Variants in EHBP1 observed in about 807,000 individuals in gnomAD.
The protein encoded by EHBP1 is EH domain-binding protein 1.
EHBP1 carries 55 observed loss-of-function variants against 144.0 expected under a neutral mutation model. That is an observed-to-expected ratio of 0.38 (90% CI 0.31 to 0.48). EHBP1 has a LOEUF of 0.48. Ranked by LOEUF, EHBP1 falls within the 20% of genes least tolerant of loss-of-function variation. EHBP1 has a pLI of 0.98. For synonymous variants in EHBP1, 469 were observed against 472.7 expected (o/e 0.99, Z 0.10); for missense variants, 1,200 against 1,364.2 (o/e 0.88, Z 1.90).
intron 10 of EHBP1, among the ~76,000 whole-genome samples, chr2:62,911,008 C>T (rs1046570600): frequency 6.6e-6 from 1 of 152,070 alleles, no homozygotes. Flanking sequence ...AATTCAGGTC[C>T]CGGCTTTCAT....
intron 13 of EHBP1, among the ~76,000 whole-genome samples, chr2:62,951,540 G>GA (rs1553485974): frequency 8.7e-4 from 124 of 142,874 alleles, no homozygotes; most frequent in African/African-American, 3.1e-3. Flanking sequence ...TTTTTGGGGG[G>GA]GGGGGGTGGA....
chr2:62,756,768 CAAAA>C (rs34717027), intron 3 of EHBP1, among the ~76,000 whole-genome samples: 4 of 76,658 alleles, frequency 5.2e-5, no homozygotes, highest in Admixed American at 1.4e-4. Flanking sequence ...AACTCTATCT[CAAAA>C]AAAAAAAAAA....
chr2:63,037,497 A>G, intron 19 of EHBP1, 38 bp from the exon 20 acceptor site: 1 of 1,435,044 alleles, frequency 7.0e-7, no homozygotes, highest in Non-Finnish European at 9.7e-7. Flanking sequence ...GCTTGTTTTA[A>G]CATCGTATAG....
intron 10 of EHBP1, among the ~76,000 whole-genome samples, chr2:62,900,433 G>A (rs1050311008): frequency 6.6e-5 from 10 of 151,920 alleles, no homozygotes; most frequent in Admixed American, 6.6e-4. Context: ...ACCAGACTGG[G>A]CAACATGGTG....
In EHBP1 at chr2:62,948,340, A is replaced by T. The variant is rs2057184193; in HGVS notation, c.1494A>T (p.Lys498Asn). Reference protein sequence around the residue: ...SDMVLLAIPDKLTVMTYLYQI... With the variant: ...SDMVLLAIPDNLTVMTYLYQI... ...TGGTATTATTAGCAATTCCTGATAA[A>T]CTGACTGTTATGACTTATCTCTATC... is the stretch of plus-strand genomic sequence containing the variant. The change falls in exon 13 of 23, where the codon AAA (lysine) becomes AAT (asparagine). Residue 498 changes from lysine to asparagine, a missense_variant. Lys to Asn is a moderately conservative substitution (Grantham distance 94). Coordinates refer to ENST00000431489, the MANE Select transcript of EHBP1 (RefSeq NM_001142616.3). 6.2e-7 allele frequency: 1 copy of T among 1,612,254 alleles called. No homozygotes were observed. The highest frequency in any genetic ancestry group is 2.2e-5 in the East Asian group (1 of 44,852).
chr2:62,818,360 G>A (rs560554682), intron 5 of EHBP1, among the ~76,000 whole-genome samples: 4 of 151,874 alleles, frequency 2.6e-5, no homozygotes, highest in African/African-American at 7.2e-5. Context: ...CCAAGTTTAC[G>A]TATGTTTAGA....
intron 5 of EHBP1, among the ~76,000 whole-genome samples, chr2:62,822,986 G>A (rs1010323862): frequency 1.3e-5 from 2 of 152,094 alleles, no homozygotes; most frequent in African/African-American, 4.8e-5. Flanking sequence ...CTTAGGGGAA[G>A]TGTTTCTGAA....
intron 2 of EHBP1, among the ~76,000 whole-genome samples, chr2:62,721,796 G>T (rs1479418284): frequency 2.6e-5 from 4 of 151,898 alleles, no homozygotes; most frequent in Non-Finnish European, 5.9e-5. Context: ...TGTACTTAAT[G>T]GTTATTTATA....
At chr2:62,811,803 G>A (rs777839159) in intron 5 of EHBP1, among the ~76,000 whole-genome samples, 1 of 152,146 alleles carries the variant, frequency 6.6e-6, no homozygotes, top group Non-Finnish European at 1.5e-5. Flanking sequence ...AAATAATTGG[G>A]TGTGTGAATT....
chr2:63,016,617 G>A (rs1282748281), intron 19 of EHBP1, among the ~76,000 whole-genome samples: 2 of 152,100 alleles, frequency 1.3e-5, no homozygotes, highest in Non-Finnish European at 2.9e-5. Context: ...TTTTAGTAGA[G>A]ATGGGGTTTC....
chr2:62,967,957 T>A (rs2058321811), intron 14 of EHBP1, among the ~76,000 whole-genome samples: 1 of 152,110 alleles, frequency 6.6e-6, no homozygotes, highest in Non-Finnish European at 1.5e-5. Flanking sequence ...CTGCTACAGA[T>A]GAATAAGCTG....
chr2:63,022,482 T>G (rs1245969036), intron 19 of EHBP1, among the ~76,000 whole-genome samples: 2 of 151,866 alleles, frequency 1.3e-5, no homozygotes, highest in Non-Finnish European at 2.9e-5. Context: ...ACTCAGGTTA[T>G]TTTTGTATTT....
At chr2:63,032,566 C>CA (rs35237077) in intron 19 of EHBP1, among the ~76,000 whole-genome samples, 7,333 of 27,888 alleles carry the variant, frequency 0.26, 1,509 homozygotes, top group Non-Finnish European at 0.35. Flanking sequence ...GACTCTGTCT[C>CA]AAAAAAAAAA....
At chr2:62,906,448 T>C (rs988774357) in intron 10 of EHBP1, among the ~76,000 whole-genome samples, 3 of 152,218 alleles carry the variant, frequency 2.0e-5, no homozygotes, top group African/African-American at 4.8e-5. Context: ...CATTTCCATA[T>C]GAACTTTAGC....
chr2:62,976,568 C>T (rs1020037920), intron 14 of EHBP1, among the ~76,000 whole-genome samples: 1 of 152,166 alleles, frequency 6.6e-6, no homozygotes, highest in Non-Finnish European at 1.5e-5. Context: ...TTTCTGGATA[C>T]TTCAGTGTTC....
upstream of EHBP1, among the ~76,000 whole-genome samples, chr2:62,700,821 T>C (rs2034259663): frequency 6.6e-6 from 1 of 152,218 alleles, no homozygotes; most frequent in Non-Finnish European, 1.5e-5. Flanking sequence ...GCCATGTAGA[T>C]ATTCATCATA....
intron 7 of EHBP1, among the ~76,000 whole-genome samples, chr2:62,845,124 G>A (rs1005512370): frequency 6.6e-6 from 1 of 151,200 alleles, no homozygotes; most frequent in Admixed American, 6.6e-5. Context: ...ACCCTAACTG[G>A]TCTGAGCTAA....
chr2:62,994,137 G>A, intron 18 of EHBP1, 160 bp downstream of exon 18: 2 of 441,838 alleles, frequency 4.5e-6, no homozygotes, highest in Non-Finnish European at 8.3e-6. Flanking sequence ...GAATTAGTCT[G>A]CAGTGTGGTG....
intron 5 of EHBP1, among the ~76,000 whole-genome samples, chr2:62,786,708 A>G (rs183554463): frequency 6.6e-6 from 1 of 152,310 alleles, no homozygotes; most frequent in Non-Finnish European, 1.5e-5. Context: ...CTGAACTTGG[A>G]TAATTTGCTT....
Sources: allele counts gnomAD v4.1 joint callset (sites outside exome capture counted in the v4.1 genomes callset), GRCh38; gene constraint gnomAD v4.1.1; transcripts MANE v1.5; gene names NCBI Gene and HGNC (gene_info 2026-07-23, HGNC 2026-07-21).